Variants in BRWD3 observed in about 807,000 individuals in gnomAD.
BRWD3 encodes the protein bromodomain and WD repeat domain containing 3.
In BRWD3, 10 loss-of-function variants were observed where a neutral mutation model predicts 149.7. The ratio of observed to expected loss-of-function variants is 0.07; its 90% CI spans 0.04 to 0.11. The LOEUF (loss-of-function observed/expected upper bound fraction) is 0.11, where lower values mean the gene tolerates loss of function less well. BRWD3 is among the 10% of genes least tolerant of loss of function. The pLI, the probability that BRWD3 is intolerant of heterozygous loss-of-function variation, is 1.00. For synonymous variants in BRWD3, 504 were observed against 456.7 expected, an observed-to-expected ratio of 1.10 and a Z score of -1.32; for missense variants, 940 against 1,373.2, an observed-to-expected ratio of 0.68 and a Z score of 4.99.
intron 8 of BRWD3, among the ~76,000 whole-genome samples, chrX:80,742,494 G>A (rs1483236985): frequency 9.2e-6 from 1 of 108,415 alleles, no homozygotes; most frequent in Admixed American, 9.8e-5. Context: ...GGACAGTATG[G>A]CCATTTTCAC....
At chrX:80,764,472 A>T (rs1375795821) in intron 6 of BRWD3, among the ~76,000 whole-genome samples, 3 of 100,904 alleles carry the variant, frequency 3.0e-5, no homozygotes, top group Admixed American at 1.1e-4. Context: ...CGCCTGGATA[A>T]TTTTTTTTTT....
At chrX:80,792,855 T>G (rs936000515) in intron 5 of BRWD3, among the ~76,000 whole-genome samples, 1 of 109,893 alleles carries the variant, frequency 9.1e-6, no homozygotes, top group Middle Eastern at 4.6e-3. Context: ...ATCAGCTGAG[T>G]AGAAAAGCTT....
intron 6 of BRWD3, among the ~76,000 whole-genome samples, chrX:80,779,307 T>C (rs1456355054): frequency 9.1e-6 from 1 of 110,043 alleles, no homozygotes; most frequent in Non-Finnish European, 1.9e-5. Flanking sequence ...AAGGGAGAAA[T>C]TCTGTCTCAA....
At chrX:80,772,821 A>C (rs1326120758) in intron 6 of BRWD3, among the ~76,000 whole-genome samples, 1 of 111,814 alleles carries the variant, frequency 8.9e-6, no homozygotes, top group African/African-American at 3.3e-5. Flanking sequence ...TATAATAGCC[A>C]AAAACTGGAA....
chrX:80,690,341 A>G (rs1409692948), intron 31 of BRWD3, among the ~76,000 whole-genome samples: 1 of 111,126 alleles, frequency 9.0e-6, no homozygotes, highest in South Asian at 3.8e-4. Context: ...GACCTAGGAC[A>G]TTATAGGTAA....
At position 80,707,477 on chromosome X, in the gene BRWD3, G is replaced by A. The variant is rs148875743; in HGVS notation, c.2502C>T (p.Asp834=). 240 of 1,209,791 alleles carry A rather than the reference G, an allele frequency of 2.0e-4. No individual in the cohort carries two copies. The highest frequency in any genetic ancestry group is 2.4e-4 in the Non-Finnish European group (218 of 894,764). The part of the protein sequence containing the change: ...SEEDETVGTS[D]ASVEDPVVEW... The stretch of plus-strand genomic sequence containing the variant: ...CAACAACAGGATCCTCTACCGAAGC[G>A]TCACTTGTGCCAACAGTTTCATCTT... The change falls in exon 22 of 41, where the codon GAC becomes GAT. Residue 834 remains aspartate (D), a synonymous_variant. Coordinates refer to ENST00000373275, the MANE Select transcript of BRWD3 (RefSeq NM_153252.5).
intron 6 of BRWD3, among the ~76,000 whole-genome samples, chrX:80,749,018 A>G (rs932455435): frequency 2.6e-4 from 29 of 111,039 alleles, no homozygotes; most frequent in African/African-American, 9.2e-4. Flanking sequence ...TTCCAAGATT[A>G]CTCCTGTTAT....
chrX:80,745,870 T>C, intron 6 of BRWD3, 141 bp from the exon 7 acceptor site: 1 of 543,898 alleles, frequency 1.8e-6, no homozygotes, highest in Non-Finnish European at 3.1e-6. Flanking sequence ...TTCCCTTACA[T>C]AGTTCATGAT....
chrX:80,725,817 CTATATAACATAACA>C (rs1356192851), intron 14 of BRWD3, among the ~76,000 whole-genome samples: 5 of 87,523 alleles, frequency 5.7e-5, no homozygotes, highest in African/African-American at 2.3e-4. Context: ...TGTTACATGC[CTATATAACATAACA>C]TGTTTACATG....
chrX:80,745,682 G>A lies in BRWD3; in HGVS notation c.478C>T (p.His160Tyr), dbSNP rs776948908. The A allele has an allele frequency of 7.4e-6, 9 of 1,208,370 alleles. No individual in the cohort carries two copies. Among genetic ancestry groups the A allele is most frequent in the Non-Finnish European group, 1.0e-5 (9 of 893,573 alleles). The change falls in exon 7 of 41, where the codon CAT becomes TAT. Residue 160 changes from histidine (H) to tyrosine (Y), a missense_variant. His to Tyr is a moderately conservative substitution (Grantham distance 83). Transcript: ENST00000373275. ...RQLTGCSRFG[H>Y]IFPSSAYQHI... ...TGGTAAGCAGATGAAGGGAAAATAT[G>A]ACCAAAGCGACTACAGCCGGTTAAT...
At chrX:80,714,586 T>A (rs1317661010) in intron 20 of BRWD3, among the ~76,000 whole-genome samples, 1 of 111,756 alleles carries the variant, frequency 8.9e-6, no homozygotes, top group Non-Finnish European at 1.9e-5. Context: ...TTGATTGATG[T>A]CTTATGTATC....
intron 6 of BRWD3, among the ~76,000 whole-genome samples, chrX:80,785,370 A>G (rs981911964): frequency 3.6e-5 from 4 of 112,157 alleles, no homozygotes; most frequent in Admixed American, 9.5e-5. Flanking sequence ...TGCTCTTGCC[A>G]TAAGAAATCT....
chrX:80,733,390 C>A (rs1166429997), intron 12 of BRWD3, 66 bp downstream of exon 12: 8 of 862,899 alleles, frequency 9.3e-6, no homozygotes, highest in Non-Finnish European at 1.4e-5. Context: ...GAAGTAGCTG[C>A]ATCTGAGGGA....
intron 4 of BRWD3, among the ~76,000 whole-genome samples, chrX:80,801,508 G>A (rs766841711): frequency 4.6e-5 from 5 of 108,146 alleles, no homozygotes; most frequent in Admixed American, 4.0e-4. Flanking sequence ...GAGCAACCGC[G>A]CCCGGACGAG....
At chrX:80,705,971 A>G (rs756457327) in intron 22 of BRWD3, among the ~76,000 whole-genome samples, 1 of 112,432 alleles carries the variant, frequency 8.9e-6, no homozygotes, top group East Asian at 2.8e-4. Context: ...CTGAATTTAT[A>G]AAAAATATTT....
chrX:80,773,920 A>G (rs2073973762), intron 6 of BRWD3, among the ~76,000 whole-genome samples: 1 of 112,654 alleles, frequency 8.9e-6, no homozygotes, highest in Non-Finnish European at 1.9e-5. Flanking sequence ...TCCAAAGAGT[A>G]AATTCCTTCA....
chrX:80,720,303 C>T (rs1205697832), intron 17 of BRWD3, among the ~76,000 whole-genome samples: 2 of 111,114 alleles, frequency 1.8e-5, no homozygotes, highest in Non-Finnish European at 3.8e-5. Flanking sequence ...CATATTGCCC[C>T]GGAAGACCTT....
At chrX:80,682,681 G>A (rs2072469784) in intron 37 of BRWD3, 53 bp from the exon 38 acceptor site, 3 of 1,094,183 alleles carry the variant, frequency 2.7e-6, no homozygotes, top group Non-Finnish European at 3.8e-6. Context: ...TTAAAAAAAG[G>A]TATAAACATG....
chrX:80,809,448 G>T lies in BRWD3; in HGVS notation c.24C>A (p.Ile8=). The change falls in exon 1 of 41, where the codon ATC becomes ATA. Residue 8 remains isoleucine, a synonymous_variant. Transcript: ENST00000373275. ...CCCGACACAGCTACCCACCGGCTTC[G>T]ATCTGGGTAGGTGCTGCCGCCATCC... MAAAPTQ[I]EAELYYLIAR... 1 of 1,157,133 alleles carries T rather than the reference G, an allele frequency of 8.6e-7. No homozygotes were observed. Among genetic ancestry groups the T allele is most frequent in the South Asian group, 1.9e-5 (1 of 52,802 alleles).
Sources: allele counts gnomAD v4.1 joint callset (sites outside exome capture counted in the v4.1 genomes callset), GRCh38; gene constraint gnomAD v4.1.1; transcripts MANE v1.5; gene names NCBI Gene and HGNC (gene_info 2026-07-23, HGNC 2026-07-21).